Variants in LOC400499 observed in about 807,000 individuals in gnomAD.
chr16:11,374,427 T>A, the LOC400499 span, among the ~76,000 whole-genome samples: 1 of 152,202 alleles, frequency 6.6e-6, no homozygotes, highest in African/African-American at 2.4e-5. Flanking sequence ...GTGCAACCAA[T>A]CTCTGGAACT....
chr16:11,400,323 C>CGG, the LOC400499 span, among the ~76,000 whole-genome samples: 1 of 152,202 alleles, frequency 6.6e-6, no homozygotes. Context: ...CCTCCAGCTT[C>CGG]TCTCAAGCCC....
chr16:11,442,925 C>T, the LOC400499 span, among the ~76,000 whole-genome samples: 38 of 152,238 alleles, frequency 2.5e-4, no homozygotes, highest in African/African-American at 6.7e-4. Flanking sequence ...GGGAGCCACA[C>T]GCAGCCTCGT....
the LOC400499 span, chr16:11,477,735 A>T: frequency 2.5e-6 from 1 of 397,262 alleles, no homozygotes; most frequent in Non-Finnish European, 4.4e-6. Context: ...TCTCTTACCC[A>T]TACGGATGTC....
At chr16:11,381,900 T>TG in the LOC400499 span, among the ~76,000 whole-genome samples, 1 of 152,122 alleles carries the variant, frequency 6.6e-6, no homozygotes, top group East Asian at 1.9e-4. Context: ...GTATTGGGGA[T>TG]CATGCCTGCT....
At chr16:11,410,435 CAA>C in the LOC400499 span, among the ~76,000 whole-genome samples, 99 of 152,108 alleles carry the variant, frequency 6.5e-4, 2 homozygotes, top group African/African-American at 2.3e-3. Flanking sequence ...GCCTGGGTGA[CAA>C]AGAGAGACTG....
the LOC400499 span, chr16:11,390,340 C>A: frequency 8.1e-7 from 1 of 1,233,758 alleles, no homozygotes; most frequent in Non-Finnish European, 1.0e-6. Flanking sequence ...ACCCCCTTTG[C>A]CTGGCATCCC....
At chr16:11,445,644 G>C in the LOC400499 span, among the ~76,000 whole-genome samples, 3 of 152,166 alleles carry the variant, frequency 2.0e-5, no homozygotes, top group African/African-American at 7.2e-5. Context: ...GAAGAGGCTG[G>C]ATGAGGCAGA....
the LOC400499 span, among the ~76,000 whole-genome samples, chr16:11,433,234 T>C: frequency 1.3e-5 from 2 of 152,194 alleles, no homozygotes; most frequent in African/African-American, 4.8e-5. Context: ...ACAAGGTGCA[T>C]TTTAATAATT....
At chr16:11,464,852 C>G in the LOC400499 span, among the ~76,000 whole-genome samples, 1 of 152,196 alleles carries the variant, frequency 6.6e-6, no homozygotes, top group Admixed American at 6.5e-5. Context: ...CGTGCTTGCA[C>G]ATTTAGCAAA....
the LOC400499 span, chr16:11,372,033 A>AT: frequency 1.3e-5 from 2 of 152,112 alleles, no homozygotes; most frequent in African/African-American, 4.8e-5. Flanking sequence ...TGCCAGCTTT[A>AT]TTTTTCAGTT....
At chr16:11,385,369 G>A in the LOC400499 span, 39 of 1,232,278 alleles carry the variant, frequency 3.2e-5, no homozygotes, top group African/African-American at 4.8e-4. Context: ...TCCCATACCC[G>A]GCCGTCGAAG....
the LOC400499 span, among the ~76,000 whole-genome samples, chr16:11,411,698 A>G: frequency 0.39 from 59,443 of 151,874 alleles, 12,076 homozygotes; most frequent in Non-Finnish European, 0.46. Flanking sequence ...GAGTCCATCA[A>G]TGAGCTTTCT....
At chr16:11,488,891 G>C in the LOC400499 span, 1 of 398,744 alleles carries the variant, frequency 2.5e-6, no homozygotes, top group Non-Finnish European at 4.4e-6. Flanking sequence ...GTGGGCAGCA[G>C]GGAGGGGCCG....
chr16:11,515,957 A>T, the LOC400499 span: 1 of 279,714 alleles, frequency 3.6e-6, no homozygotes, highest in African/African-American at 2.4e-5. Flanking sequence ...CTGAGAATGG[A>T]GTGATGAGCG....
the LOC400499 span, among the ~76,000 whole-genome samples, chr16:11,427,857 T>C: frequency 6.6e-6 from 1 of 152,288 alleles, no homozygotes; most frequent in East Asian, 1.9e-4. Flanking sequence ...GTCCATGATG[T>C]GTATTATAAT....
chr16:11,433,094 G>T, the LOC400499 span, among the ~76,000 whole-genome samples: 26 of 152,150 alleles, frequency 1.7e-4, no homozygotes, highest in Non-Finnish European at 2.8e-4. Context: ...CATTATTTAT[G>T]AATTGTCTAC....
chr16:11,468,203 A>C, the LOC400499 span, among the ~76,000 whole-genome samples: 392 of 152,334 alleles, frequency 2.6e-3, 4 homozygotes, highest in African/African-American at 8.8e-3. Context: ...ACACACAGTT[A>C]GCGTACTTTG....
At chr16:11,493,812 G>C in the LOC400499 span, 1 of 360,410 alleles carries the variant, frequency 2.8e-6, no homozygotes, top group East Asian at 3.8e-5. Context: ...TCGAGATGGA[G>C]GTAGGACCAT....
At chr16:11,485,448 G>T in the LOC400499 span, among the ~76,000 whole-genome samples, 20 of 152,266 alleles carry the variant, frequency 1.3e-4, no homozygotes, top group African/African-American at 4.3e-4. Flanking sequence ...GCAAGGGCTC[G>T]TGTATCAATC....
Sources: gnomAD v4.1 joint callset for allele counts (sites outside exome capture counted in the v4.1 genomes callset) on GRCh38, gnomAD v4.1.1 for gene constraint, MANE v1.5 for transcripts.